The following MSI2 variants were observed in gnomAD, a reference collection of about 807,000 sequenced individuals.
MSI2 encodes the protein RNA-binding protein Musashi homolog 2.
MSI2 carries 17 observed loss-of-function variants against 45.6 expected under a neutral mutation model. That is an observed-to-expected ratio of 0.37 (90% CI 0.26 to 0.56). The LOEUF (loss-of-function observed/expected upper bound fraction) is 0.56, where lower values mean the gene tolerates loss of function less well. MSI2 is among the 20% of genes least tolerant of loss of function. The pLI is 0.77. For synonymous variants in MSI2, 156 were observed against 158.2 expected (o/e 0.99, Z 0.11); for missense variants, 293 against 444.2 (o/e 0.66, Z 3.06).
chr17:57,675,956 C>T (rs1307026432), intron 12 of MSI2, among the ~76,000 whole-genome samples: 1 of 152,238 alleles, frequency 6.6e-6, no homozygotes, highest in East Asian at 1.9e-4. Context: ...CACTTGCTCG[C>T]TGTCCCTTCC....
chr17:57,442,417 G>A (rs908757225), intron 6 of MSI2, among the ~76,000 whole-genome samples: 3 of 152,204 alleles, frequency 2.0e-5, no homozygotes, highest in African/African-American at 7.2e-5. Context: ...TTGTAAAGGG[G>A]AGTTGCTGTA....
intron 7 of MSI2, among the ~76,000 whole-genome samples, chr17:57,535,891 G>A (rs189113379): frequency 8.5e-4 from 129 of 152,334 alleles, no homozygotes; most frequent in Non-Finnish European, 1.5e-3. Flanking sequence ...TTATTAAAAT[G>A]GTGCCAGTAA....
At chr17:57,300,734 G>C (rs1011200512) in intron 5 of MSI2, among the ~76,000 whole-genome samples, 14 of 152,208 alleles carry the variant, frequency 9.2e-5, no homozygotes, top group African/African-American at 3.1e-4. Context: ...GAAGGCGACA[G>C]TCATGTCTTA....
intron 9 of MSI2, among the ~76,000 whole-genome samples, chr17:57,617,681 G>A (rs945031930): frequency 6.6e-5 from 10 of 152,262 alleles, no homozygotes; most frequent in East Asian, 1.9e-4. Flanking sequence ...AGTGGTGCTC[G>A]CCTGTAATCG....
intron 11 of MSI2, among the ~76,000 whole-genome samples, chr17:57,654,502 C>T (rs1322497900): frequency 6.6e-6 from 1 of 152,238 alleles, no homozygotes; most frequent in Non-Finnish European, 1.5e-5. Flanking sequence ...CTCTCCGTGG[C>T]AAAAGCTCTT....
intron 10 of MSI2, chr17:57,633,185 A>G: frequency 9.9e-7 from 1 of 1,014,772 alleles, no homozygotes; most frequent in Non-Finnish European, 1.2e-6. Context: ...TACCATGGAC[A>G]TACTGTGTGC....
At chr17:57,591,289 C>T (rs1904802274) in intron 7 of MSI2, among the ~76,000 whole-genome samples, 1 of 152,170 alleles carries the variant, frequency 6.6e-6, no homozygotes, top group African/African-American at 2.4e-5. Context: ...TCCATCTCTC[C>T]CAAATCTCTT....
chr17:57,434,999 G>A (rs1567821475), intron 6 of MSI2, among the ~76,000 whole-genome samples: 1 of 152,208 alleles, frequency 6.6e-6, no homozygotes, highest in Non-Finnish European at 1.5e-5. Flanking sequence ...AAAACACTCA[G>A]ATGGCAAGCA....
intron 6 of MSI2, among the ~76,000 whole-genome samples, chr17:57,509,932 C>A (rs2086315725): frequency 6.6e-6 from 1 of 152,086 alleles, no homozygotes; most frequent in Non-Finnish European, 1.5e-5. Flanking sequence ...TGTTGTAGCA[C>A]CTGATTGTGC....
At chr17:57,394,298 A>G (rs984286776) in intron 5 of MSI2, among the ~76,000 whole-genome samples, 1 of 152,168 alleles carries the variant, frequency 6.6e-6, no homozygotes, top group Non-Finnish European at 1.5e-5. Flanking sequence ...TTGTCACTCC[A>G]TACGCTGTTT....
At chr17:57,398,115 G>T (rs1209516050) in intron 5 of MSI2, among the ~76,000 whole-genome samples, 2 of 152,138 alleles carry the variant, frequency 1.3e-5, no homozygotes, top group Non-Finnish European at 2.9e-5. Flanking sequence ...AACGGTGGAG[G>T]GTGTATGAAG....
intron 6 of MSI2, among the ~76,000 whole-genome samples, chr17:57,469,171 C>T (rs924453541): frequency 2.6e-5 from 4 of 152,186 alleles, no homozygotes; most frequent in African/African-American, 7.2e-5. Context: ...GAGGAGCCTT[C>T]CAGAAAAACA....
At position 57,407,930 on chromosome 17, in the gene MSI2, A is replaced by G. The variant is rs1254488440; in HGVS notation, c.405+6459A>G. Among the ~76,000 whole-genome samples, 2 of 152,236 alleles carry G rather than the reference A, an allele frequency of 1.3e-5. No individual in the cohort carries two copies. The highest frequency in any genetic ancestry group is 2.9e-5 in the Non-Finnish European group (2 of 68,040). On this transcript the variant is annotated intron_variant, in intron 6 of 13. Transcript: ENST00000284073. The surrounding 1 kb of genome is among the most constrained non-coding windows in gnomAD (Gnocchi z 4.1). Reference sequence around the variant, plus strand: ...CCCCTGACCCCTGGCCAAGCTGCTCAGTGGGAAACAGCACAGCGAGTAGAC... The same window carrying G: ...CCCCTGACCCCTGGCCAAGCTGCTCGGTGGGAAACAGCACAGCGAGTAGAC...
intron 9 of MSI2, among the ~76,000 whole-genome samples, chr17:57,617,114 AT>A (rs778276691): frequency 1.6e-4 from 25 of 152,214 alleles, no homozygotes; most frequent in Non-Finnish European, 2.9e-4. Context: ...CTGACAAAGA[AT>A]TGTATCTACT....
chr17:57,571,842 C>T (rs1278107238), intron 7 of MSI2, among the ~76,000 whole-genome samples: 8 of 152,212 alleles, frequency 5.3e-5, no homozygotes, highest in Non-Finnish European at 1.0e-4. Context: ...ATACTTTCTA[C>T]AGCCGACTGC....
At chr17:57,541,716 C>T (rs2087050459) in intron 7 of MSI2, among the ~76,000 whole-genome samples, 1 of 152,180 alleles carries the variant, frequency 6.6e-6, no homozygotes, top group African/African-American at 2.4e-5. Flanking sequence ...TGTGGATGTG[C>T]TTCTCTTAAT....
intron 6 of MSI2, among the ~76,000 whole-genome samples, chr17:57,504,777 G>A (rs1326790069): frequency 2.6e-5 from 4 of 151,866 alleles, no homozygotes; most frequent in East Asian, 1.9e-4. Flanking sequence ...CTAAAAATAC[G>A]AAAAATTAGC....
chr17:57,700,161 A>G, the MSI2 span, among the ~76,000 whole-genome samples: 2 of 152,170 alleles, frequency 1.3e-5, no homozygotes, highest in Non-Finnish European at 2.9e-5. Flanking sequence ...TTTTTGCTTC[A>G]TTCCCAGATG....
intron 8 of MSI2, among the ~76,000 whole-genome samples, chr17:57,612,901 T>C (rs1169931723): frequency 6.6e-6 from 1 of 152,192 alleles, no homozygotes; most frequent in Non-Finnish European, 1.5e-5. Flanking sequence ...TGGGTAATTA[T>C]CTGTCTGCCT....
Sources: gnomAD v4.1 joint callset for allele counts (sites outside exome capture counted in the v4.1 genomes callset) on GRCh38, gnomAD v4.1.1 for gene constraint, Gnocchi (gnomAD v3.1) non-coding constraint, MANE v1.5 for transcripts, NCBI Gene and HGNC (gene_info 2026-07-23, HGNC 2026-07-21) for gene names.